The following AUTS2 variants were observed in gnomAD, a reference collection of about 807,000 sequenced individuals.
The protein encoded by AUTS2 is activator of transcription and developmental regulator AUTS2.
In AUTS2, 17 loss-of-function variants were observed where a neutral mutation model predicts 112.4. The ratio of observed to expected loss-of-function variants is 0.15; its 90% CI spans 0.10 to 0.23. The LOEUF (loss-of-function observed/expected upper bound fraction) is 0.23, where lower values mean the gene tolerates loss of function less well. Ranked by LOEUF, AUTS2 falls within the 10% of genes least tolerant of loss-of-function variation. The pLI, the probability that AUTS2 is intolerant of heterozygous loss-of-function variation, is 1.00. For missense variants in AUTS2, 1,510 were observed against 1,701.6 expected, an observed-to-expected ratio of 0.89 and a Z score of 1.98; for synonymous variants, 751 against 702.7, an observed-to-expected ratio of 1.07 and a Z score of -1.09.
chr7:69,656,297 C>T (rs1348592622), intron 1 of AUTS2, among the ~76,000 whole-genome samples: 1 of 152,190 alleles, frequency 6.6e-6, no homozygotes, highest in Non-Finnish European at 1.5e-5. Context: ...TATAAGCTTG[C>T]CACCAGAGTG....
intron 1 of AUTS2, among the ~76,000 whole-genome samples, chr7:69,815,670 A>G (rs796724781): frequency 1.3e-5 from 2 of 152,284 alleles, no homozygotes; most frequent in African/African-American, 4.8e-5. Context: ...ACATGCCACC[A>G]TGCCCAGCTA....
intron 2 of AUTS2, among the ~76,000 whole-genome samples, chr7:69,951,766 G>A (rs1160147827): frequency 2.0e-5 from 3 of 152,054 alleles, no homozygotes; most frequent in Non-Finnish European, 2.9e-5. Flanking sequence ...CTTTCAACAG[G>A]AATTCATTAG....
rs77412613 is a variant in AUTS2, at chr7:70,608,008, A to C, written c.691-90561A>C. 5.0e-3 allele frequency among the ~76,000 whole-genome samples: 761 copies of C among 152,340 alleles called. 8 individuals carry two copies. Among genetic ancestry groups the C allele is most frequent in the African/African-American group, 0.017 (718 of 41,576 alleles). On this transcript the variant is annotated intron_variant, in intron 5 of 18. Coordinates refer to ENST00000342771, the MANE Select transcript of AUTS2 (RefSeq NM_015570.4). ...TCTTCCTGAAAACTAGAGTTGGGAC[A>C]CTGGTACCCTAAGCACAGCACAGAG... is the stretch of plus-strand genomic sequence containing the variant.
At chr7:70,651,686 A>G (rs920947549) in intron 5 of AUTS2, among the ~76,000 whole-genome samples, 2 of 152,218 alleles carry the variant, frequency 1.3e-5, no homozygotes, top group African/African-American at 4.8e-5. Context: ...TATTGCTTTC[A>G]TACCAGCATA....
intron 5 of AUTS2, among the ~76,000 whole-genome samples, chr7:70,590,611 T>A (rs1802897800): frequency 6.6e-6 from 1 of 152,150 alleles, no homozygotes; most frequent in African/African-American, 2.4e-5. Flanking sequence ...AGTTTTATAT[T>A]TTATGACCGA....
In AUTS2 at chr7:70,631,562, A is replaced by T. The variant is rs558726462; in HGVS notation, c.691-67007A>T. On this transcript the variant is annotated intron_variant, in intron 5 of 18. Coordinates refer to ENST00000342771, the MANE Select transcript of AUTS2 (RefSeq NM_015570.4). The surrounding 1 kb of genome is among the most constrained non-coding windows in gnomAD (Gnocchi z 4.5). ...GAGCGCTGTCCCAGTGGTGGCCCCG[A>T]GGCCACAGGTTCTGTCCCAGATGTT... Among the ~76,000 whole-genome samples, 586 of 152,272 alleles carry T rather than the reference A, an allele frequency of 3.8e-3. 2 individuals carry two copies. The highest frequency in any genetic ancestry group is 0.01 in the South Asian group (49 of 4,828).
chr7:70,020,532 G>T (rs1392636425), intron 2 of AUTS2, among the ~76,000 whole-genome samples: 1 of 152,074 alleles, frequency 6.6e-6, no homozygotes, highest in Non-Finnish European at 1.5e-5. Context: ...GTACTCCTTT[G>T]GAAGGATAGA....
chr7:69,848,798 A>C (rs1297119006), intron 1 of AUTS2, among the ~76,000 whole-genome samples: 1 of 152,098 alleles, frequency 6.6e-6, no homozygotes, highest in African/African-American at 2.4e-5. Flanking sequence ...ACAACATTCA[A>C]TTGTCTGCAC....
chr7:70,246,079 G>A (rs1479020146), intron 4 of AUTS2, among the ~76,000 whole-genome samples: 5 of 152,006 alleles, frequency 3.3e-5, no homozygotes, highest in African/African-American at 4.8e-5. Context: ...AGTTATAAGA[G>A]TGCTTTATAT....
chr7:70,396,330 A>C (rs1794081107), intron 4 of AUTS2, among the ~76,000 whole-genome samples: 1 of 152,082 alleles, frequency 6.6e-6, no homozygotes, highest in African/African-American at 2.4e-5. Context: ...GTAATCTTAT[A>C]GCGTGTATAC....
At chr7:69,778,066 C>T (rs531711298) in intron 1 of AUTS2, among the ~76,000 whole-genome samples, 1 of 152,034 alleles carries the variant, frequency 6.6e-6, no homozygotes, top group East Asian at 1.9e-4. Context: ...CTTTGAGAAC[C>T]TTATTGTGTA....
Position 70,302,178 on chromosome 7 carries a change from A to G in AUTS2, c.661-133574A>G, listed in dbSNP as rs183107751. 2.3e-3 allele frequency among the ~76,000 whole-genome samples: 350 copies of G among 152,276 alleles called. 1 individual carries two copies. Among genetic ancestry groups the G allele is most frequent in the African/African-American group, 8.0e-3 (334 of 41,554 alleles). ...GTAATCCCAGCACTTTGGGAGGCCA[A>G]CGTGGGAGGATCGCTTGAGCTGAGG... On this transcript the variant is annotated intron_variant, in intron 4 of 18. Coordinates refer to ENST00000342771, the MANE Select transcript of AUTS2 (RefSeq NM_015570.4).
chr7:69,617,437 A>G (rs570515361), intron 1 of AUTS2, among the ~76,000 whole-genome samples: 1 of 152,296 alleles, frequency 6.6e-6, no homozygotes, highest in East Asian at 1.9e-4. Flanking sequence ...TTTCAAGGAA[A>G]GGGGAGAACA....
intron 6 of AUTS2, among the ~76,000 whole-genome samples, chr7:70,746,305 T>C (rs1788450328): frequency 6.6e-6 from 1 of 152,002 alleles, no homozygotes; most frequent in Non-Finnish European, 1.5e-5. Flanking sequence ...GCCACCAGGC[T>C]GGGCTGATTT....
intron 1 of AUTS2, among the ~76,000 whole-genome samples, chr7:69,768,467 A>G (rs575515688): frequency 3.9e-5 from 6 of 152,268 alleles, no homozygotes; most frequent in African/African-American, 1.4e-4. Flanking sequence ...GTGAGTGTAT[A>G]TTTCTTTTTG....
At chr7:69,897,110 A>G (rs1430426083) in intron 1 of AUTS2, among the ~76,000 whole-genome samples, 1 of 152,178 alleles carries the variant, frequency 6.6e-6, no homozygotes, top group Non-Finnish European at 1.5e-5. Flanking sequence ...CTGGGCACAC[A>G]AAACATAATT....
chr7:70,089,123 T>A (rs1300421681), intron 2 of AUTS2, among the ~76,000 whole-genome samples: 1 of 152,194 alleles, frequency 6.6e-6, no homozygotes, highest in African/African-American at 2.4e-5. Flanking sequence ...TAGTATTTTT[T>A]AAGTCTTATA....
intron 4 of AUTS2, among the ~76,000 whole-genome samples, chr7:70,408,705 A>G (rs1293779533): frequency 1.3e-5 from 2 of 152,220 alleles, no homozygotes; most frequent in Non-Finnish European, 2.9e-5. Context: ...GAAAATATTC[A>G]GGTACTCTTA....
intron 5 of AUTS2, among the ~76,000 whole-genome samples, chr7:70,613,737 A>G (rs767491920): frequency 3.5e-4 from 53 of 152,344 alleles, no homozygotes; most frequent in Middle Eastern, 6.8e-3. Flanking sequence ...GGAATGGAAC[A>G]AAGCAAGATC....
Sources: gnomAD v4.1 joint callset for allele counts (sites outside exome capture counted in the v4.1 genomes callset) on GRCh38, gnomAD v4.1.1 for gene constraint, Gnocchi (gnomAD v3.1) non-coding constraint, MANE v1.5 for transcripts, NCBI Gene and HGNC (gene_info 2026-07-23, HGNC 2026-07-21) for gene names.